The following MAP4K3 variants were observed in gnomAD, a reference collection of about 807,000 sequenced individuals.
MAP4K3 encodes the protein mitogen-activated protein kinase kinase kinase kinase 3.
In MAP4K3, 94 loss-of-function variants were observed where a neutral mutation model predicts 143.5. The observed-to-expected ratio is 0.65, with a 90% confidence interval of 0.55 to 0.78. The LOEUF (loss-of-function observed/expected upper bound fraction) is 0.78. Among genes scored for constraint, MAP4K3 ranks in the 30% least tolerant of loss-of-function variants. The pLI is 0.00. For synonymous variants in MAP4K3, 416 were observed against 347.2 expected (o/e 1.20, Z -2.20); for missense variants, 1,077 against 1,068.1 (o/e 1.01, Z -0.12).
At chr2:39,398,667 T>C (rs1666873055) in intron 1 of MAP4K3, among the ~76,000 whole-genome samples, 2 of 150,334 alleles carry the variant, frequency 1.3e-5, no homozygotes, top group African/African-American at 2.4e-5. Flanking sequence ...AAAAATTTAC[T>C]AAGCCATGGT....
intron 23 of MAP4K3, among the ~76,000 whole-genome samples, chr2:39,278,906 T>C (rs1302490867): frequency 6.6e-6 from 1 of 152,164 alleles, no homozygotes; most frequent in Non-Finnish European, 1.5e-5. Context: ...CTATAAGTAC[T>C]CTAATTTAAA....
Position 39,320,457 on chromosome 2 carries a change from T to C in MAP4K3, c.918+5061A>G, listed in dbSNP as rs756469495. The stretch of plus-strand genomic sequence containing the variant: ...AAGCCTAGTTCCAATAATGGAACAC[T>C]AGGCTAAATGGGTTAATGATTTATG... On this transcript the variant is annotated intron_variant, in intron 12 of 33. Coordinates refer to ENST00000263881, the MANE Select transcript of MAP4K3 (RefSeq NM_003618.4). 5.1e-4 allele frequency among the ~76,000 whole-genome samples: 78 copies of C among 152,136 alleles called. 1 individual carries two copies. The highest frequency in any genetic ancestry group is 1.0e-4 in the Non-Finnish European group (7 of 68,030).
chr2:39,271,070 T>C (rs1451082713), intron 26 of MAP4K3, among the ~76,000 whole-genome samples: 4 of 151,956 alleles, frequency 2.6e-5, no homozygotes, highest in Non-Finnish European at 5.9e-5. Flanking sequence ...TTATCCAAGG[T>C]CCCATATCTA....
At chr2:39,283,909 T>C (rs1475185448) in intron 21 of MAP4K3, 2 of 152,198 alleles carry the variant, frequency 1.3e-5, no homozygotes, top group African/African-American at 4.8e-5. Flanking sequence ...TCAGAATCAC[T>C]TAAACAATGA....
intron 1 of MAP4K3, among the ~76,000 whole-genome samples, chr2:39,429,203 ACTACGCAATC>A (rs1266917740): frequency 6.6e-6 from 1 of 152,114 alleles, no homozygotes; most frequent in East Asian, 1.9e-4. Context: ...CATTATAATT[ACTACGCAATC>A]CTGGAGAAGT....
chr2:39,380,871 G>C (rs957275191), intron 1 of MAP4K3, among the ~76,000 whole-genome samples: 1 of 152,122 alleles, frequency 6.6e-6, no homozygotes, highest in African/African-American at 2.4e-5. Context: ...GTATGATTCA[G>C]TTGTGTTTAG....
At chr2:39,372,923 C>A (rs1001627242) in intron 2 of MAP4K3, among the ~76,000 whole-genome samples, 1 of 152,026 alleles carries the variant, frequency 6.6e-6, no homozygotes, top group African/African-American at 2.4e-5. Context: ...AGCAACCAAG[C>A]AAAAATGGAC....
chr2:39,359,078 C>A (rs1411803383), intron 2 of MAP4K3, among the ~76,000 whole-genome samples: 1 of 152,164 alleles, frequency 6.6e-6, no homozygotes, highest in East Asian at 1.9e-4. Flanking sequence ...CAAGGCAAGT[C>A]CCTTCTACCT....
Position 39,290,325 on chromosome 2 carries a change from C to G in MAP4K3, c.1281G>C (p.Leu427=). 6.2e-7 allele frequency: 1 copy of G among 1,604,888 alleles called. No homozygotes were observed. The stretch of plus-strand genomic sequence containing the variant: ...GCAAAGGAGGTGGAATTTTTGCTTT[C>G]AGAGTTGAGCTAAAAACAGAAAAGT... ...GDDDESKHST[L]KAKIPPPLPP... Residue 427 remains leucine, a synonymous_variant, in exon 19 of 34, where the codon CTG becomes CTC. Transcript: ENST00000263881.
At chr2:39,377,594 A>G (rs547334549) in intron 2 of MAP4K3, among the ~76,000 whole-genome samples, 112 of 152,318 alleles carry the variant, frequency 7.4e-4, no homozygotes, top group South Asian at 3.7e-3. Flanking sequence ...TGGGATAGCA[A>G]TGAAATACAG....
At chr2:39,339,607 C>A (rs769443542) in intron 4 of MAP4K3, among the ~76,000 whole-genome samples, 2 of 152,060 alleles carry the variant, frequency 1.3e-5, no homozygotes, top group African/African-American at 2.4e-5. Flanking sequence ...AAAACAAACA[C>A]CCACATAAAA....
chr2:39,368,768 C>A (rs1239105590), intron 2 of MAP4K3, among the ~76,000 whole-genome samples: 1 of 152,108 alleles, frequency 6.6e-6, no homozygotes, highest in African/African-American at 2.4e-5. Flanking sequence ...TGTTCTCTCA[C>A]CAGATCTGAT....
intron 2 of MAP4K3, among the ~76,000 whole-genome samples, chr2:39,373,798 C>T (rs1666144965): frequency 6.6e-6 from 1 of 152,200 alleles, no homozygotes; most frequent in Admixed American, 6.5e-5. Context: ...GGGAAGCTTA[C>T]AGGGCTTGGT....
intron 22 of MAP4K3, among the ~76,000 whole-genome samples, chr2:39,282,227 G>A (rs1343870395): frequency 6.6e-6 from 1 of 151,920 alleles, no homozygotes; most frequent in Non-Finnish European, 1.5e-5. Flanking sequence ...GGCAGGCATG[G>A]TAGTTTATGC....
At chr2:39,339,243 A>G (rs376689771) in intron 4 of MAP4K3, among the ~76,000 whole-genome samples, 245 of 152,336 alleles carry the variant, frequency 1.6e-3, no homozygotes, top group Non-Finnish European at 2.9e-3. Context: ...TTAAATGTCT[A>G]TGGATAAACC....
chr2:39,367,142 A>T (rs146501646), intron 2 of MAP4K3, among the ~76,000 whole-genome samples: 1 of 152,364 alleles, frequency 6.6e-6, no homozygotes, highest in African/African-American at 2.4e-5. Flanking sequence ...GTTCTTGATT[A>T]ATGTTTAAGA....
rs187540506 is a variant in MAP4K3 at position 39,257,656 on chromosome 2, G to A, written c.2470+692C>T. ...TCTACTAAAAATACAAAAATCAGCC[G>A]GGGGTGGTGGCGGGCGCCTGTAATC... is the stretch of plus-strand genomic sequence containing the variant. On this transcript the variant is annotated intron_variant, in intron 31 of 33. Transcript: ENST00000263881. Among the ~76,000 whole-genome samples the A allele has an allele frequency of 1.7e-3, 258 of 151,706 alleles. 3 individuals carry two copies. The highest frequency in any genetic ancestry group is 5.6e-3 in the African/African-American group (230 of 41,418).
At chr2:39,251,717 T>G in intron 33 of MAP4K3, 113 bp downstream of exon 33, 1 of 846,624 alleles carries the variant, frequency 1.2e-6, no homozygotes. Flanking sequence ...TGTGAAAAAT[T>G]CAATGTTGAA....
chr2:39,428,462 CA>C (rs1343708928), intron 1 of MAP4K3, among the ~76,000 whole-genome samples: 1 of 151,772 alleles, frequency 6.6e-6, no homozygotes, highest in Non-Finnish European at 1.5e-5. Flanking sequence ...CACCTGAGGT[CA>C]GGAGTTCGAG....
Sources: allele counts gnomAD v4.1 joint callset (sites outside exome capture counted in the v4.1 genomes callset), GRCh38; gene constraint gnomAD v4.1.1; transcripts MANE v1.5; gene names NCBI Gene and HGNC (gene_info 2026-07-23, HGNC 2026-07-21).